CNTN5: variants seen among roughly 807,000 people sequenced by gnomAD.
CNTN5 encodes contactin-5.
CNTN5 carries 77 observed loss-of-function variants against 129.1 expected under a neutral mutation model. That is an observed-to-expected ratio of 0.60 (90% CI 0.50 to 0.72). The LOEUF (loss-of-function observed/expected upper bound fraction) is 0.72. CNTN5 is among the 30% of genes least tolerant of loss of function. The pLI, the probability that CNTN5 is intolerant of heterozygous loss-of-function variation, is 0.00. For synonymous variants in CNTN5, 509 were observed against 465.6 expected, an observed-to-expected ratio of 1.09 and a Z score of -1.20; for missense variants, 1,478 against 1,328.8, an observed-to-expected ratio of 1.11 and a Z score of -1.75.
chr11:100,042,859 C>T (rs1942457956), intron 9 of CNTN5, among the ~76,000 whole-genome samples: 1 of 152,104 alleles, frequency 6.6e-6, no homozygotes, highest in African/African-American at 2.4e-5. Flanking sequence ...TTTAAAAAAC[C>T]TCCTATATCT....
At chr11:99,223,996 A>C (rs1860544186) in intron 1 of CNTN5, among the ~76,000 whole-genome samples, 1 of 152,110 alleles carries the variant, frequency 6.6e-6, no homozygotes, top group Admixed American at 6.6e-5. Context: ...ATACACTCTT[A>C]ATTCCAAATA....
At chr11:99,960,335 C>T (rs1347204250) in intron 8 of CNTN5, among the ~76,000 whole-genome samples, 1 of 150,816 alleles carries the variant, frequency 6.6e-6, no homozygotes, top group Non-Finnish European at 1.5e-5. Context: ...CTTTTTCCTT[C>T]ATCTTTCCTA....
chr11:99,915,658 G>A (rs566464941), intron 6 of CNTN5, among the ~76,000 whole-genome samples: 4 of 152,248 alleles, frequency 2.6e-5, no homozygotes, highest in East Asian at 3.9e-4. Context: ...TAATGAAGAA[G>A]CCGGTGGGAC....
chr11:99,798,019 T>A (rs1249323219), intron 3 of CNTN5, among the ~76,000 whole-genome samples: 1 of 152,250 alleles, frequency 6.6e-6, no homozygotes, highest in East Asian at 1.9e-4. Context: ...GGAAAACTTG[T>A]GTCATGGAGG....
intron 6 of CNTN5, among the ~76,000 whole-genome samples, chr11:99,846,372 A>C (rs1276418941): frequency 6.6e-6 from 1 of 151,002 alleles, no homozygotes; most frequent in Non-Finnish European, 1.5e-5. Flanking sequence ...AAAAAAAAAA[A>C]AAAAAAAAGA....
chr11:99,425,920 A>G (rs1233572665), intron 2 of CNTN5, among the ~76,000 whole-genome samples: 1 of 152,208 alleles, frequency 6.6e-6, no homozygotes, highest in African/African-American at 2.4e-5. Context: ...TGCCATCACA[A>G]CCATGGTTAG....
intron 10 of CNTN5, 54 bp from the exon 11 acceptor site, chr11:100,070,370 G>A: frequency 6.5e-7 from 1 of 1,538,818 alleles, no homozygotes; most frequent in Non-Finnish European, 8.8e-7. Flanking sequence ...TTTTAAACTT[G>A]GTAAAGCGTT....
At chr11:99,598,646 C>G (rs577734219) in intron 3 of CNTN5, among the ~76,000 whole-genome samples, 2 of 150,336 alleles carry the variant, frequency 1.3e-5, no homozygotes, top group Non-Finnish European at 3.0e-5. Flanking sequence ...CATATGTGAC[C>G]TAACAGTCCA....
At chr11:99,893,821 G>A (rs893670026) in intron 6 of CNTN5, among the ~76,000 whole-genome samples, 2 of 151,992 alleles carry the variant, frequency 1.3e-5, no homozygotes, top group African/African-American at 4.8e-5. Flanking sequence ...ATTAACATAA[G>A]CATATTTATA....
chr11:99,941,111 A>G (rs919981178), intron 7 of CNTN5, among the ~76,000 whole-genome samples: 4 of 152,084 alleles, frequency 2.6e-5, no homozygotes, highest in Non-Finnish European at 1.5e-5. Flanking sequence ...TGTGAAAGCA[A>G]TTAATAATCA....
chr11:100,100,625 A>G (rs11222760), intron 13 of CNTN5, among the ~76,000 whole-genome samples: 34,528 of 151,876 alleles, frequency 0.23, 4,389 homozygotes, highest in African/African-American at 0.35. Flanking sequence ...TATGTGATTG[A>G]TTAGTCAAAT....
intron 3 of CNTN5, among the ~76,000 whole-genome samples, chr11:99,782,679 C>G (rs1945355494): frequency 6.6e-6 from 1 of 151,924 alleles, no homozygotes; most frequent in South Asian, 2.1e-4. Flanking sequence ...CGCCGCATAT[C>G]CACAACTATC....
In CNTN5 at chr11:99,333,180, A is replaced by C. The variant is rs540510266; in HGVS notation, c.-71+7696A>C. On this transcript the variant is annotated intron_variant, in intron 2 of 24. Transcript: ENST00000524871. ...TTTTATGCTTTTATTTTAATGCTAC[A>C]TTTGGCAAGCTGGTATGTTTACTAT... 1.6e-3 allele frequency among the ~76,000 whole-genome samples: 241 copies of C among 152,098 alleles called. 2 individuals are homozygous for C. Among genetic ancestry groups the C allele is most frequent in the Admixed American group, 7.7e-3 (118 of 15,246 alleles).
chr11:99,495,866 A>G (rs1946205391), intron 2 of CNTN5, among the ~76,000 whole-genome samples: 2 of 152,198 alleles, frequency 1.3e-5, no homozygotes, highest in African/African-American at 4.8e-5. Context: ...TAAAACCAAT[A>G]TAATATGGTG....
chr11:99,988,081 C>G (rs1347088908), intron 8 of CNTN5, among the ~76,000 whole-genome samples: 1 of 152,130 alleles, frequency 6.6e-6, no homozygotes, highest in Non-Finnish European at 1.5e-5. Context: ...TCCTTTGAAC[C>G]ATATCATACA....
At chr11:99,250,222 T>A (rs1256597498) in intron 1 of CNTN5, among the ~76,000 whole-genome samples, 2 of 151,982 alleles carry the variant, frequency 1.3e-5, no homozygotes, top group East Asian at 3.8e-4. Context: ...AAAAATCAAT[T>A]AACTTACTTC....
intron 2 of CNTN5, among the ~76,000 whole-genome samples, chr11:99,477,262 C>A (rs943256856): frequency 6.6e-5 from 10 of 151,712 alleles, no homozygotes; most frequent in African/African-American, 2.2e-4. Context: ...TAATTTAGTA[C>A]CCCTACATAA....
intron 2 of CNTN5, among the ~76,000 whole-genome samples, chr11:99,454,140 A>G (rs866749518): frequency 2.0e-5 from 3 of 152,314 alleles, no homozygotes; most frequent in Admixed American, 6.5e-5. Flanking sequence ...TTCTGAAGAC[A>G]GCATAATGAA....
At chr11:99,304,652 A>G (rs1391043895) in intron 1 of CNTN5, among the ~76,000 whole-genome samples, 1 of 152,196 alleles carries the variant, frequency 6.6e-6, no homozygotes, top group Non-Finnish European at 1.5e-5. Flanking sequence ...TGGCTTAACC[A>G]CCATCATCAC....
Sources: allele counts gnomAD v4.1 joint callset (sites outside exome capture counted in the v4.1 genomes callset), GRCh38; gene constraint gnomAD v4.1.1; transcripts MANE v1.5; gene names NCBI Gene and HGNC (gene_info 2026-07-23, HGNC 2026-07-21).